The following PLEKHA8 variants were observed in gnomAD, a reference collection of about 807,000 sequenced individuals.
PLEKHA8 encodes the protein pleckstrin homology domain containing A8.
In PLEKHA8, 36 loss-of-function variants were observed where a neutral mutation model predicts 68.2. The ratio of observed to expected loss-of-function variants is 0.53; its 90% confidence interval spans 0.40 to 0.70. The LOEUF is 0.70. PLEKHA8 is among the 30% of genes least tolerant of loss of function. The pLI, the probability that PLEKHA8 is intolerant of heterozygous loss-of-function variation, is 0.00. For synonymous variants in PLEKHA8, 211 were observed against 216.1 expected (o/e 0.98, Z 0.20); for missense variants, 505 against 615.4 (o/e 0.82, Z 1.90).
chr7:30,103,123 G>T (rs1795911888), intron 13 of PLEKHA8, among the ~76,000 whole-genome samples: 1 of 152,144 alleles, frequency 6.6e-6, no homozygotes, highest in South Asian at 2.1e-4. Flanking sequence ...GAGGAAGAAT[G>T]GGGAATTATC....
exon 13 of PLEKHA8, chr7:30,090,266 AC>A (rs2128005344): frequency 6.8e-7 from 1 of 1,461,266 alleles, no homozygotes; most frequent in South Asian, 1.3e-5. Flanking sequence ...TCACCAAGGG[AC>A]CTCAAACTTC....
chr7:30,068,496 A>G (rs1794019454), intron 12 of PLEKHA8, among the ~76,000 whole-genome samples: 1 of 151,954 alleles, frequency 6.6e-6, no homozygotes, highest in Non-Finnish European at 1.5e-5. Flanking sequence ...TCCTGTCTTC[A>G]CTGGCAGTTT....
At chr7:30,111,772 A>C (rs542037038) in intron 13 of PLEKHA8, among the ~76,000 whole-genome samples, 1 of 152,224 alleles carries the variant, frequency 6.6e-6, no homozygotes, top group East Asian at 1.9e-4. Context: ...GGTGCATGCC[A>C]CCACACCCAG....
chr7:30,120,170 CA>C (rs200775029), intron 13 of PLEKHA8, among the ~76,000 whole-genome samples: 4,697 of 130,856 alleles, frequency 0.036, 164 homozygotes, highest in African/African-American at 0.091. Context: ...AAAAAAAAAA[CA>C]AAAAAAAAAA....
rs1217162133 is a variant in PLEKHA8, at chr7:30,082,180, A to G, written c.*3393A>G. The G allele has an allele frequency of 2.0e-6, 2 of 985,232 alleles. No individual in the cohort carries two copies. The highest frequency in any genetic ancestry group is 5.2e-4 in the Middle Eastern group (1 of 1,914). 61.0% of individuals were successfully genotyped at this position (985,232 alleles called of 1,614,324 possible). On this transcript the variant is annotated 3_prime_UTR_variant, in exon 14 of 14. Transcript: ENST00000449726. The stretch of plus-strand genomic sequence containing the variant: ...GAGGCACCTTCTTATCATTTTTTGC[A>G]TGTTATTCTGATTATTAAACTTCCC...
rs1794956808 is a variant in PLEKHA8, at chr7:30,082,038, C to G, written c.*3251C>G. On this transcript the variant is annotated 3_prime_UTR_variant, in exon 14 of 14. Coordinates refer to ENST00000449726, the MANE Select transcript of PLEKHA8 (RefSeq NM_001197026.2). ...GGAGAAGATGGTCTTCTCATTGGCT[C>G]TTGATGTAGCTCTGAAGGGAGTTCC... is the stretch of plus-strand genomic sequence containing the variant. The G allele has an allele frequency of 1.0e-6, 1 of 961,510 alleles. No individual in the cohort carries two copies. Among genetic ancestry groups the G allele is most frequent in the African/African-American group, 1.8e-5 (1 of 56,806 alleles). 59.6% of individuals were successfully genotyped at this position (961,510 alleles called of 1,614,324 possible).
intron 13 of PLEKHA8, among the ~76,000 whole-genome samples, chr7:30,120,530 G>A (rs1796680566): frequency 6.6e-6 from 1 of 152,214 alleles, no homozygotes; most frequent in Non-Finnish European, 1.5e-5. Flanking sequence ...ACAACAGTCT[G>A]TTTACATATC....
chr7:30,108,090 A>C (rs1023968506), intron 13 of PLEKHA8, among the ~76,000 whole-genome samples: 3 of 148,858 alleles, frequency 2.0e-5, no homozygotes, highest in African/African-American at 5.0e-5. Context: ...AAAAAAAAAA[A>C]AACCTACATT....
At chr7:30,124,883 TAA>T (rs1261544418) in intron 13 of PLEKHA8, among the ~76,000 whole-genome samples, 27 of 152,166 alleles carry the variant, frequency 1.8e-4, no homozygotes, top group African/African-American at 6.5e-4. Context: ...TATGTTCTGA[TAA>T]GTTTTTTTTT....
At chr7:30,049,120 G>A in intron 4 of PLEKHA8, 104 bp from the exon 5 acceptor site, 1 of 1,321,554 alleles carries the variant, frequency 7.6e-7, no homozygotes, top group South Asian at 1.2e-5. Flanking sequence ...TCAGCAGGTG[G>A]GTACATTATT....
rs896136612 is a variant in PLEKHA8, at chr7:30,082,250, C to T, written c.*3463C>T. 1.2e-5 allele frequency: 12 copies of T among 985,300 alleles called. No individual in the cohort carries two copies. The Admixed American group carries it at 7.4e-4, about 61-fold the overall frequency. The allele number at this position is 985,300 out of a possible 1,614,324, so 61.0% of individuals were successfully genotyped here. A position where few individuals can be genotyped will look rare whatever the true frequency, so the allele number is the denominator to read the frequency against. On this transcript the variant is annotated 3_prime_UTR_variant, in exon 14 of 14. Transcript: ENST00000449726. ...TGAGGGATTTCTGAACTCCATAGTCCAGCGTTGTTGCTTTTCTCTCTTCTT... is the reference window on the plus strand; with the variant it reads ...TGAGGGATTTCTGAACTCCATAGTCTAGCGTTGTTGCTTTTCTCTCTTCTT...
intron 13 of PLEKHA8, among the ~76,000 whole-genome samples, chr7:30,075,564 A>G (rs1183838716): frequency 2.0e-5 from 3 of 152,190 alleles, no homozygotes; most frequent in Non-Finnish European, 4.4e-5. Context: ...GCTTACCTCC[A>G]TTAGAGCTCT....
chr7:30,037,992 A>T (rs938505806), intron 1 of PLEKHA8, among the ~76,000 whole-genome samples: 2 of 152,086 alleles, frequency 1.3e-5, no homozygotes, highest in African/African-American at 4.8e-5. Context: ...TTAAATTTTT[A>T]ATTGTTTTTC....
In PLEKHA8 at chr7:30,082,746, A is replaced by T. The variant is rs1019757912; in HGVS notation, c.*3959A>T. On this transcript the variant is annotated 3_prime_UTR_variant, in exon 14 of 14. Coordinates refer to ENST00000449726, the MANE Select transcript of PLEKHA8 (RefSeq NM_001197026.2). Reference sequence around the variant, plus strand: ...TGAGGGAAAGAGGAGCCAAAGTAAGAGATTTTTTTTTAAGGAAACTTAATC... The same window carrying T: ...TGAGGGAAAGAGGAGCCAAAGTAAGTGATTTTTTTTTAAGGAAACTTAATC... 8.1e-6 allele frequency: 8 copies of T among 985,056 alleles called. No individual in the cohort carries two copies. Among genetic ancestry groups the T allele is most frequent in the Non-Finnish European group, 8.4e-6 (7 of 829,814 alleles). 61.0% of individuals were successfully genotyped at this position (985,056 alleles called of 1,614,324 possible).
intron 6 of PLEKHA8, 52 bp downstream of exon 6, chr7:30,050,526 G>C: frequency 6.8e-7 from 1 of 1,463,958 alleles, no homozygotes; most frequent in Non-Finnish European, 9.1e-7. Flanking sequence ...TAAGGATATT[G>C]TTATTCCTTG....
At chr7:30,060,837 C>A in intron 9 of PLEKHA8, 47 bp from the exon 10 acceptor site, 1 of 1,457,922 alleles carries the variant, frequency 6.9e-7, no homozygotes, top group Non-Finnish European at 9.5e-7. Context: ...AAAATATTGC[C>A]ACTTAAAAAT....
chr7:30,065,145 T>G (rs1793740307), intron 12 of PLEKHA8, among the ~76,000 whole-genome samples: 1 of 152,228 alleles, frequency 6.6e-6, no homozygotes, highest in Admixed American at 6.5e-5. Context: ...GAGGAGACTT[T>G]GAAGGGCAAA....
At chr7:30,036,231 A>T (rs1791063380) in intron 1 of PLEKHA8, among the ~76,000 whole-genome samples, 1 of 152,026 alleles carries the variant, frequency 6.6e-6, no homozygotes, top group African/African-American at 2.4e-5. Flanking sequence ...CCAAGATCAC[A>T]CCTGTGTTCC....
downstream of PLEKHA8, among the ~76,000 whole-genome samples, chr7:30,086,902 G>T (rs1795204700): frequency 6.6e-6 from 1 of 152,150 alleles, no homozygotes; most frequent in Admixed American, 6.5e-5. Flanking sequence ...ATCCTCTCCA[G>T]AGGCACAAAA....
Sources: allele counts gnomAD v4.1 joint callset (sites outside exome capture counted in the v4.1 genomes callset), GRCh38; gene constraint gnomAD v4.1.1; transcripts MANE v1.5; gene names NCBI Gene and HGNC (gene_info 2026-07-23, HGNC 2026-07-21).